KDM5A: variants seen among roughly 807,000 people sequenced by gnomAD.
KDM5A encodes the protein lysine demethylase 5A, also known as lysine-specific demethylase 5A.
Under a neutral mutation model 193.5 loss-of-function variants are expected in KDM5A, and 42 were observed. That is an observed-to-expected ratio of 0.22 (90% CI 0.17 to 0.28). The LOEUF is 0.28. Ranked by LOEUF, KDM5A falls within the 10% of genes least tolerant of loss-of-function variation. KDM5A has a pLI of 1.00. For synonymous variants in KDM5A, 796 were observed against 718.1 expected, an observed-to-expected ratio of 1.11 and a Z score of -1.73; for missense variants, 1,692 against 2,055.1, an observed-to-expected ratio of 0.82 and a Z score of 3.42.
chr12:352,287 T>A lies in KDM5A; in HGVS notation c.1067A>T (p.Gln356Leu). Residue 356 changes from glutamine to leucine, a missense_variant, in exon 9 of 28, where the codon CAA (glutamine) becomes CTA (leucine). By Grantham distance (113) the Gln-to-Leu change is moderately radical. Transcript: ENST00000399788. ...CTGAAGTGTATACTCTCGTACAGCTTGTTCAAATCCAAAGGCTTCTCGAGG... is the reference window on the plus strand; with the variant it reads ...CTGAAGTGTATACTCTCGTACAGCTAGTTCAAATCCAAAGGCTTCTCGAGG... Reference protein sequence around the residue: ...SKPREAFGFEQAVREYTLQSF... With the variant: ...SKPREAFGFELAVREYTLQSF... 6.2e-7 allele frequency: 1 copy of A among 1,613,174 alleles called. No homozygotes were observed.
At position 282,913 on chromosome 12, in the gene KDM5A, G is replaced by C. The variant is rs1000583820; in HGVS notation, c.*2543C>G. On this transcript the variant is annotated 3_prime_UTR_variant, in exon 28 of 28. Transcript: ENST00000399788. ...CGCAGATTTGTGTATTTTTTGTTTT[G>C]CCATTAATTTCTCCCTTCTGTTCTT... 5 of 231,894 alleles carry C rather than the reference G, an allele frequency of 2.2e-5. No homozygotes were observed. Among genetic ancestry groups the C allele is most frequent in the African/African-American group, 1.1e-4 (5 of 45,214 alleles). 14.4% of individuals were successfully genotyped at this position (231,894 alleles called of 1,614,324 possible).
At chr12:340,424 A>C (rs1438521496) in intron 10 of KDM5A, among the ~76,000 whole-genome samples, 2 of 152,034 alleles carry the variant, frequency 1.3e-5, no homozygotes, top group African/African-American at 4.8e-5. Context: ...AGTCGGGCAC[A>C]GTGGCTCACG....
chr12:313,283 G>T, intron 19 of KDM5A, 89 bp from the exon 20 acceptor site: 2 of 1,429,566 alleles, frequency 1.4e-6, no homozygotes, highest in South Asian at 1.2e-5. Context: ...TCATTTACAT[G>T]ATTTCACTGA....
At chr12:321,993 A>G (rs1943723582) in intron 17 of KDM5A, among the ~76,000 whole-genome samples, 1 of 152,212 alleles carries the variant, frequency 6.6e-6, no homozygotes, top group South Asian at 2.1e-4. Flanking sequence ...AGAAGGTGAT[A>G]AAGCTAGGAG....
At chr12:303,039 G>A (rs1338935843) in intron 24 of KDM5A, among the ~76,000 whole-genome samples, 1 of 152,202 alleles carries the variant, frequency 6.6e-6, no homozygotes, top group Admixed American at 6.5e-5. Flanking sequence ...AGGATGTGGA[G>A]AAACACGAAT....
At chr12:296,471 TATAA>T (rs1319966619) in intron 25 of KDM5A, among the ~76,000 whole-genome samples, 1 of 152,194 alleles carries the variant, frequency 6.6e-6, no homozygotes, top group African/African-American at 2.4e-5. Context: ...GGCTGCCTTA[TATAA>T]ATAACTGGTT....
chr12:305,535 C>T (rs1441720694), intron 24 of KDM5A, among the ~76,000 whole-genome samples: 1 of 152,170 alleles, frequency 6.6e-6, no homozygotes, highest in Non-Finnish European at 1.5e-5. Flanking sequence ...GGAACAGAAT[C>T]TCCCCTTGTT....
At chr12:388,240 G>A (rs1357413186) in intron 1 of KDM5A, 15 of 455,100 alleles carry the variant, frequency 3.3e-5, no homozygotes, top group Admixed American at 2.8e-4. Context: ...TACCTCAAAG[G>A]TGAGATTATA....
At chr12:368,529 G>A (rs534852582) in intron 3 of KDM5A, among the ~76,000 whole-genome samples, 4 of 152,192 alleles carry the variant, frequency 2.6e-5, no homozygotes, top group Admixed American at 1.3e-4. Context: ...TCAGCAGTTC[G>A]AGACCAGCCT....
intron 10 of KDM5A, among the ~76,000 whole-genome samples, chr12:344,612 C>G (rs1290444488): frequency 6.6e-6 from 1 of 152,196 alleles, no homozygotes; most frequent in Non-Finnish European, 1.5e-5. Context: ...GGCCAATATT[C>G]AACATTCTTA....
At chr12:375,937 G>T (rs1244125548) in intron 3 of KDM5A, among the ~76,000 whole-genome samples, 1 of 152,198 alleles carries the variant, frequency 6.6e-6, no homozygotes, top group Non-Finnish European at 1.5e-5. Context: ...TCCTTCCTCT[G>T]GAAGCTTTGT....
rs538485513 is a variant in KDM5A, at chr12:281,073, T to G, written c.*4383A>C. On this transcript the variant is annotated 3_prime_UTR_variant, in exon 28 of 28. Transcript: ENST00000399788. ...CCAATGTAAATGACAGGGGTTAGGG[T>G]GGGTATGGGTGTGGGGAACCTGAGC... 2.0e-3 allele frequency: 471 copies of G among 232,972 alleles called. 4 individuals carry two copies. The highest frequency in any genetic ancestry group is 2.5e-3 in the Non-Finnish European group (293 of 117,876). 14.4% of individuals were successfully genotyped at this position (232,972 alleles called of 1,614,324 possible).
At chr12:371,984 C>A (rs1944433520) in intron 3 of KDM5A, among the ~76,000 whole-genome samples, 1 of 152,174 alleles carries the variant, frequency 6.6e-6, no homozygotes, top group South Asian at 2.1e-4. Flanking sequence ...CAGTACCATG[C>A]TGTTTTGGTT....
chr12:368,908 T>C (rs1944389971), intron 3 of KDM5A, among the ~76,000 whole-genome samples: 1 of 152,138 alleles, frequency 6.6e-6, no homozygotes, highest in South Asian at 2.1e-4. Flanking sequence ...ACTATACCAA[T>C]GTTGCTATAT....
rs771421847 is a variant in KDM5A, at chr12:297,096, T to C, written c.4179A>G (p.Ala1393=). The C allele has an allele frequency of 1.9e-6, 3 of 1,613,936 alleles. No homozygotes were observed. The highest frequency in any genetic ancestry group is 2.2e-5 in the South Asian group (2 of 91,080). ...SEEVVTHMWT[A]PSFCAEHAYS... The stretch of plus-strand genomic sequence containing the variant: ...AAGCATGCTCTGCACAAAATGAAGG[T>C]GCTGTCCACATGTGGGTCACCACCT... Residue 1393 remains alanine, a synonymous_variant, in exon 25 of 28, where the codon GCA becomes GCG. Transcript: ENST00000399788.
At chr12:357,367 G>A (rs1944240017) in intron 5 of KDM5A, among the ~76,000 whole-genome samples, 1 of 151,454 alleles carries the variant, frequency 6.6e-6, no homozygotes. Flanking sequence ...TGGGCATGTT[G>A]GCACACACCT....
rs146010803 is a variant in KDM5A at position 333,798 on chromosome 12, G to A, written c.1491-149C>T. ...ATTCTGGCAACCATCTTATAAACCT[G>A]TGCTGTTGTTCACAATAGGAGGTAA... On this transcript the variant is annotated intron_variant, in intron 11 of 27. Transcript: ENST00000399788. 7,107 of 779,100 alleles carry A rather than the reference G, an allele frequency of 9.1e-3. 88 individuals carry two copies. Among genetic ancestry groups the A allele is most frequent in the Middle Eastern group, 0.025 (74 of 2,942 alleles). The allele number at this position is 779,100 out of a possible 1,614,324, so 48.3% of individuals were successfully genotyped here. A position where few individuals can be genotyped will look rare whatever the true frequency, so the allele number is the denominator to read the frequency against.
chr12:347,610 A>G (rs994308720), intron 10 of KDM5A, among the ~76,000 whole-genome samples: 6 of 152,184 alleles, frequency 3.9e-5, no homozygotes, highest in South Asian at 2.1e-4. Context: ...ATAACACCAC[A>G]TATCCACAAC....
intron 3 of KDM5A, among the ~76,000 whole-genome samples, chr12:377,942 T>G (rs1944528176): frequency 2.0e-5 from 3 of 152,168 alleles, no homozygotes; most frequent in Admixed American, 2.0e-4. Context: ...TACTGAGAGA[T>G]GTATACTTCT....
Sources: allele counts gnomAD v4.1 joint callset (sites outside exome capture counted in the v4.1 genomes callset), GRCh38; gene constraint gnomAD v4.1.1; transcripts MANE v1.5; gene names NCBI Gene and HGNC (gene_info 2026-07-23, HGNC 2026-07-21).